MICU3: variants seen among roughly 807,000 people sequenced by gnomAD.
MICU3 encodes mitochondrial calcium uptake 3.
MICU3 carries 62 observed loss-of-function variants against 66.5 expected under a neutral mutation model. The observed-to-expected ratio is 0.93, with a 90% CI of 0.76 to 1.15. MICU3 has a LOEUF of 1.15. Among genes scored for constraint, MICU3 ranks in the 50% most tolerant of loss-of-function variants. MICU3 has a pLI of 0.00. For synonymous variants in MICU3, 308 were observed against 240.7 expected (o/e 1.28, Z -2.59); for missense variants, 779 against 664.4 (o/e 1.17, Z -1.90).
chr8:17,133,962 C>A, the MICU3 span, among the ~76,000 whole-genome samples: 1 of 152,110 alleles, frequency 6.6e-6, no homozygotes, highest in African/African-American at 2.4e-5. Flanking sequence ...GACTAACGTG[C>A]CTCCATCTTC....
intron 1 of MICU3, among the ~76,000 whole-genome samples, chr8:17,033,442 AT>A (rs878970709): frequency 8.1e-5 from 12 of 147,928 alleles, no homozygotes; most frequent in South Asian, 4.3e-4. Context: ...ATTATCATCA[AT>A]TTTTTTTTTT....
chr8:17,083,384 A>G (rs993446709), intron 5 of MICU3, among the ~76,000 whole-genome samples: 17 of 152,096 alleles, frequency 1.1e-4, no homozygotes, highest in African/African-American at 4.1e-4. Flanking sequence ...CATAATTTCT[A>G]ATCTTGTGGC....
intron 3 of MICU3, among the ~76,000 whole-genome samples, chr8:17,070,917 G>A (rs1299175604): frequency 2.0e-5 from 3 of 152,112 alleles, no homozygotes; most frequent in Non-Finnish European, 4.4e-5. Context: ...TAACAGGTGG[G>A]TAGCATATAC....
At chr8:17,105,385 T>C (rs201651767) in intron 10 of MICU3, 28 bp from the exon 11 acceptor site, 12 of 1,368,722 alleles carry the variant, frequency 8.8e-6, no homozygotes, top group Admixed American at 7.0e-5. Context: ...CTTTATCTTT[T>C]TCCTTCTTTA....
At chr8:17,056,388 T>G (rs1434456346) in intron 1 of MICU3, among the ~76,000 whole-genome samples, 1 of 152,208 alleles carries the variant, frequency 6.6e-6, no homozygotes, top group Non-Finnish European at 1.5e-5. Flanking sequence ...CTCCCATACC[T>G]TTCCTGTCTG....
intron 7 of MICU3, among the ~76,000 whole-genome samples, chr8:17,088,280 G>C (rs1471978332): frequency 6.6e-6 from 1 of 151,892 alleles, no homozygotes; most frequent in Non-Finnish European, 1.5e-5. Flanking sequence ...TGTAATGTTA[G>C]TCAAGTATCA....
At chr8:17,035,028 G>A (rs1404639145) in intron 1 of MICU3, among the ~76,000 whole-genome samples, 2 of 152,160 alleles carry the variant, frequency 1.3e-5, no homozygotes, top group East Asian at 1.9e-4. Context: ...TTTTTCCCAC[G>A]CTGTCATCAT....
chr8:17,033,822 T>G (rs542917606), intron 1 of MICU3, among the ~76,000 whole-genome samples: 1 of 152,196 alleles, frequency 6.6e-6, no homozygotes, highest in African/African-American at 2.4e-5. Context: ...TTCATGAGAT[T>G]TAAGGAAAGA....
At position 17,064,085 on chromosome 8, in the gene MICU3, T is replaced by C. The variant is rs1025283314; in HGVS notation, c.383T>C (p.Val128Ala). Residue 128 changes from valine (V) to alanine (A), a missense_variant and splice_region_variant, in exon 2 of 15, where the codon GTT becomes GCT. Coordinates refer to ENST00000318063, the MANE Select transcript of MICU3 (RefSeq NM_181723.3). ...ATGTATTTGCTTTCTTAACTTTAGGTTGCTATTGGCAGAACAGACATTGAA... is the reference window on the plus strand; with the variant it reads ...ATGTATTTGCTTTCTTAACTTTAGGCTGCTATTGGCAGAACAGACATTGAA... ...PIPVAAAKET[V>A]AIGRTDIEDL... is the part of the protein sequence containing the mutation. The C allele has an allele frequency of 1.2e-6, 2 of 1,606,714 alleles. No individual in the cohort carries two copies. The highest frequency in any genetic ancestry group is 1.7e-6 in the Non-Finnish European group (2 of 1,176,456).
chr8:17,072,453 G>A lies in MICU3; in HGVS notation c.567+2734G>A, dbSNP rs1456124107. 2.0e-5 allele frequency among the ~76,000 whole-genome samples: 3 copies of A among 148,500 alleles called. No individual in the cohort carries two copies. In the East Asian group the frequency reaches 5.9e-4, roughly 29 times the overall value. On this transcript the variant is annotated intron_variant, in intron 3 of 14. Transcript: ENST00000318063. ...AAAAGCAAAAATGAGAGGCATGAGA[G>A]GTTTTTTTTTTTTTAGATAAGACAC...
At chr8:17,072,492 A>G (rs1261691922) in intron 3 of MICU3, among the ~76,000 whole-genome samples, 3 of 152,090 alleles carry the variant, frequency 2.0e-5, no homozygotes, top group Non-Finnish European at 4.4e-5. Flanking sequence ...GCAAAACTCA[A>G]AATTATTGGC....
intron 1 of MICU3, among the ~76,000 whole-genome samples, chr8:17,057,874 T>A (rs1817191411): frequency 1.3e-5 from 2 of 151,266 alleles, no homozygotes; most frequent in African/African-American, 2.4e-5. Flanking sequence ...TGAGACGGAG[T>A]TTCACTTTTG....
intron 1 of MICU3, among the ~76,000 whole-genome samples, chr8:17,059,452 C>G (rs539375263): frequency 6.6e-6 from 1 of 152,116 alleles, no homozygotes; most frequent in Non-Finnish European, 1.5e-5. Context: ...TAGAAAAAGT[C>G]AAGAGTGCTT....
At chr8:17,029,263 G>A (rs1488292786) in intron 1 of MICU3, among the ~76,000 whole-genome samples, 1 of 152,222 alleles carries the variant, frequency 6.6e-6, no homozygotes, top group Non-Finnish European at 1.5e-5. Context: ...ATCACCTGAG[G>A]TCAGGAGTTC....
chr8:17,056,852 C>G (rs1221392442), intron 1 of MICU3, among the ~76,000 whole-genome samples: 1 of 152,212 alleles, frequency 6.6e-6, no homozygotes, highest in Admixed American at 6.5e-5. Context: ...GTGGATTCAT[C>G]TCCTTGGCAA....
At chr8:17,078,382 C>A (rs1350941271) in intron 4 of MICU3, among the ~76,000 whole-genome samples, 1 of 152,016 alleles carries the variant, frequency 6.6e-6, no homozygotes, top group African/African-American at 2.4e-5. Context: ...TCAACTTACT[C>A]TATTATCAAT....
At chr8:17,037,368 G>A (rs890427601) in intron 1 of MICU3, among the ~76,000 whole-genome samples, 11 of 152,222 alleles carry the variant, frequency 7.2e-5, no homozygotes, top group African/African-American at 1.4e-4. Context: ...CTGCCAGCAC[G>A]CTGTCACCTC....
intron 4 of MICU3, among the ~76,000 whole-genome samples, chr8:17,080,988 T>G (rs1228406937): frequency 2.0e-5 from 3 of 152,138 alleles, no homozygotes; most frequent in African/African-American, 7.2e-5. Context: ...AAATCTAGTT[T>G]TGGGTTTTGT....
At chr8:17,041,099 A>G (rs1236911830) in intron 1 of MICU3, among the ~76,000 whole-genome samples, 1 of 152,194 alleles carries the variant, frequency 6.6e-6, no homozygotes, top group Non-Finnish European at 1.5e-5. Context: ...ATAGAAATAG[A>G]TTTGGGAATC....
Sources: gnomAD v4.1 joint callset for allele counts (sites outside exome capture counted in the v4.1 genomes callset) on GRCh38, gnomAD v4.1.1 for gene constraint, MANE v1.5 for transcripts, NCBI Gene and HGNC (gene_info 2026-07-23, HGNC 2026-07-21) for gene names.